CREB3L2: variants seen among roughly 807,000 people sequenced by gnomAD.
CREB3L2 encodes the protein cyclic AMP-responsive element-binding protein 3-like protein 2.
A neutral mutation model predicts 57.2 loss-of-function variants in CREB3L2; 23 were observed. The ratio of observed to expected loss-of-function variants is 0.40; its 90% CI spans 0.29 to 0.57. The LOEUF (loss-of-function observed/expected upper bound fraction) is 0.57. Ranked by LOEUF, CREB3L2 falls within the 20% of genes least tolerant of loss-of-function variation. The pLI is 0.42. For missense variants in CREB3L2, 628 were observed against 634.7 expected (o/e 0.99, Z 0.11); for synonymous variants, 268 against 265.1 (o/e 1.01, Z -0.11).
Position 138,001,718 on chromosome 7 carries a change from C to A in CREB3L2, c.-13G>T. The A allele has an allele frequency of 5.6e-6, 9 of 1,595,472 alleles. No individual in the cohort carries two copies. The highest frequency in any genetic ancestry group is 7.7e-6 in the Non-Finnish European group (9 of 1,172,280). On this transcript the variant is annotated 5_prime_UTR_variant, in exon 1 of 12. Coordinates refer to ENST00000330387, the MANE Select transcript of CREB3L2 (RefSeq NM_194071.4). This position sits in a 1 kb window ranked among gnomAD's most constrained non-coding sequence, Gnocchi z 4.2. Reference sequence around the variant, plus strand: ...CCAGCACCTCCATGGCGGTGCGGGCCGCGCTGGGCCGAGGATGCTAAGCGC... The same window carrying A: ...CCAGCACCTCCATGGCGGTGCGGGCAGCGCTGGGCCGAGGATGCTAAGCGC...
chr7:137,890,892 T>A (rs1224118522), intron 8 of CREB3L2, among the ~76,000 whole-genome samples: 1 of 152,220 alleles, frequency 6.6e-6, no homozygotes, highest in Non-Finnish European at 1.5e-5. Context: ...AAACTACAGC[T>A]ATAAAAAGTC....
intron 7 of CREB3L2, 30 bp downstream of exon 7, chr7:137,903,929 A>G: frequency 6.3e-7 from 1 of 1,589,806 alleles, no homozygotes; most frequent in East Asian, 2.2e-5. Context: ...ATACTGCCCG[A>G]TGAACGCAAC....
intron 1 of CREB3L2, among the ~76,000 whole-genome samples, chr7:137,972,706 A>ACAACAACAACAAC (rs1554503518): frequency 5.8e-5 from 3 of 51,804 alleles, no homozygotes; most frequent in Admixed American, 2.7e-4. Context: ...AAAAAAAAAA[A>ACAACAACAACAAC]AAAAAAATAT....
intron 1 of CREB3L2, among the ~76,000 whole-genome samples, chr7:137,945,769 G>A (rs1485018856): frequency 1.3e-5 from 2 of 152,192 alleles, no homozygotes; most frequent in South Asian, 2.1e-4. Flanking sequence ...AACCTCAAAT[G>A]CTGGAAAGGA....
chr7:137,946,888 TTA>T (rs58214959), intron 1 of CREB3L2, among the ~76,000 whole-genome samples: 617 of 39,658 alleles, frequency 0.016, 187 homozygotes, highest in South Asian at 0.036. Context: ...ATCTATATAG[TTA>T]TATATATAGT....
At chr7:137,937,436 G>T (rs1403196557) in intron 1 of CREB3L2, among the ~76,000 whole-genome samples, 1 of 152,164 alleles carries the variant, frequency 6.6e-6, no homozygotes, top group Non-Finnish European at 1.5e-5. Flanking sequence ...GAAGGGACCT[G>T]CCTTCAAAAC....
Position 137,904,712 on chromosome 7 carries a change from G to A in CREB3L2, c.916-695C>T, listed in dbSNP as rs182842102. Among the ~76,000 whole-genome samples the A allele has an allele frequency of 5.8e-4, 88 of 151,790 alleles. No homozygotes were observed. The South Asian group carries it at 0.01, about 18-fold the overall frequency. On this transcript the variant is annotated intron_variant, in intron 6 of 11. Transcript: ENST00000330387. ...AAATTAGCCGGGCATGGTGGCACAC[G>A]TCTGTGGTTCCAGATGCTTGGGAGG...
intron 1 of CREB3L2, among the ~76,000 whole-genome samples, chr7:137,968,571 T>C (rs1801449023): frequency 4.6e-5 from 7 of 152,206 alleles, no homozygotes; most frequent in Admixed American, 3.3e-4. Context: ...TAGTATTCCA[T>C]GGTGTATATG....
chr7:137,940,938 AC>A (rs1800871288), intron 1 of CREB3L2, among the ~76,000 whole-genome samples: 1 of 152,228 alleles, frequency 6.6e-6, no homozygotes, highest in Non-Finnish European at 1.5e-5. Context: ...GTACCCCTCC[AC>A]CCCAAGATAA....
At chr7:137,939,463 G>C (rs1800846251) in intron 1 of CREB3L2, among the ~76,000 whole-genome samples, 1 of 152,162 alleles carries the variant, frequency 6.6e-6, no homozygotes, top group Admixed American at 6.5e-5. Flanking sequence ...TGTCAATGAA[G>C]GAAATCCTCA....
intron 8 of CREB3L2, among the ~76,000 whole-genome samples, chr7:137,899,364 G>A (rs1799706034): frequency 1.3e-5 from 2 of 152,332 alleles, no homozygotes; most frequent in East Asian, 1.9e-4. Context: ...CTCCAAGGAG[G>A]TCTTTGCTCT....
chr7:137,929,873 T>C (rs1800576104), intron 1 of CREB3L2, among the ~76,000 whole-genome samples: 1 of 149,312 alleles, frequency 6.7e-6, no homozygotes, highest in Non-Finnish European at 1.5e-5. Flanking sequence ...CATCTCAAAA[T>C]AAATAAATAA....
At chr7:137,975,699 A>G (rs914778320) in intron 1 of CREB3L2, among the ~76,000 whole-genome samples, 1 of 152,208 alleles carries the variant, frequency 6.6e-6, no homozygotes, top group Admixed American at 6.5e-5. Flanking sequence ...AGCAGGAAAG[A>G]TTCAGTTAGA....
chr7:137,964,805 C>T (rs1007326029), intron 1 of CREB3L2, among the ~76,000 whole-genome samples: 31 of 152,182 alleles, frequency 2.0e-4, no homozygotes, highest in Non-Finnish European at 3.4e-4. Flanking sequence ...TGGGAGGGAC[C>T]TGGAAGGAGA....
chr7:137,976,337 C>T (rs1485457537), intron 1 of CREB3L2, among the ~76,000 whole-genome samples: 2 of 152,232 alleles, frequency 1.3e-5, no homozygotes, highest in Non-Finnish European at 2.9e-5. Context: ...TGGGTGGCAT[C>T]GGCCCCAAAT....
chr7:137,994,400 C>T, intron 1 of CREB3L2, among the ~76,000 whole-genome samples: 1 of 152,190 alleles, frequency 6.6e-6, no homozygotes, highest in Non-Finnish European at 1.5e-5. Context: ...CAGAACAAAT[C>T]ATTCTTGTCC....
chr7:137,905,993 G>C (rs1293747724), intron 5 of CREB3L2, 145 bp from the exon 6 acceptor site: 1 of 730,298 alleles, frequency 1.4e-6, no homozygotes, highest in African/African-American at 1.8e-5. Context: ...TTGGGTGACA[G>C]ATGGGTATTT....
intron 1 of CREB3L2, among the ~76,000 whole-genome samples, chr7:137,972,772 A>G (rs752396875): frequency 8.3e-5 from 11 of 132,780 alleles, no homozygotes; most frequent in South Asian, 2.7e-4. Context: ...GAGAGAGAGA[A>G]AAGAAAAAGA....
chr7:137,953,311 T>A (rs966491923), intron 1 of CREB3L2: 6 of 394,316 alleles, frequency 1.5e-5, no homozygotes, highest in Non-Finnish European at 2.9e-5. Context: ...GCTTACCGCT[T>A]AGTTGATTAA....
Sources: allele counts gnomAD v4.1 joint callset (sites outside exome capture counted in the v4.1 genomes callset), GRCh38; gene constraint gnomAD v4.1.1; non-coding constraint Gnocchi (gnomAD v3.1); transcripts MANE v1.5; gene names NCBI Gene and HGNC (gene_info 2026-07-23, HGNC 2026-07-21).